The following CACNB2 variants were observed in gnomAD, a reference collection of about 807,000 sequenced individuals.
CACNB2 encodes voltage-dependent L-type calcium channel subunit beta-2.
In CACNB2, 42 loss-of-function variants were observed where a neutral mutation model predicts 73.3. The observed-to-expected ratio is 0.57, with a 90% CI of 0.45 to 0.74. CACNB2 has a LOEUF of 0.74. CACNB2 is among the 30% of genes least tolerant of loss of function. The probability of loss-of-function intolerance (pLI) is 0.00; values close to 1 mark genes in which losing one functional copy is unlikely to be tolerated. For missense variants in CACNB2, 940 were observed against 853.0 expected (o/e 1.10, Z -1.27); for synonymous variants, 348 against 310.3 (o/e 1.12, Z -1.28).
intron 2 of CACNB2, among the ~76,000 whole-genome samples, chr10:18,357,622 C>T (rs2041975920): frequency 6.6e-6 from 1 of 152,178 alleles, no homozygotes; most frequent in African/African-American, 2.4e-5. Flanking sequence ...GTATATTTTA[C>T]AACTATGCGA....
At chr10:18,214,647 AAAAAAAAAT>A in intron 2 of CACNB2, among the ~76,000 whole-genome samples, 1 of 19,670 alleles carries the variant, frequency 5.1e-5, no homozygotes, top group African/African-American at 7.1e-5. Context: ...AAAAAAAAAA[AAAAAAAAAT>A]TAACAACTGT....
At chr10:18,254,438 T>C (rs1053522685) in intron 2 of CACNB2, among the ~76,000 whole-genome samples, 2 of 152,184 alleles carry the variant, frequency 1.3e-5, no homozygotes, top group Non-Finnish European at 2.9e-5. Flanking sequence ...TCATTGCTTT[T>C]AGTTATCTTA....
intron 2 of CACNB2, among the ~76,000 whole-genome samples, chr10:18,155,905 A>G (rs1242831251): frequency 9.6e-6 from 1 of 104,552 alleles, no homozygotes; most frequent in Non-Finnish European, 2.1e-5. Flanking sequence ...TATTATATAT[A>G]TATATATATA....
chr10:18,501,876 A>G (rs2050210083), intron 5 of CACNB2, among the ~76,000 whole-genome samples: 1 of 152,224 alleles, frequency 6.6e-6, no homozygotes, highest in South Asian at 2.1e-4. Context: ...ATAATTGTCA[A>G]GTTCATTTAG....
At chr10:18,189,138 G>GT (rs1259750341) in intron 2 of CACNB2, among the ~76,000 whole-genome samples, 1 of 151,814 alleles carries the variant, frequency 6.6e-6, no homozygotes, top group Admixed American at 6.6e-5. Context: ...CAGATTGTTT[G>GT]TTTTTTTAAA....
intron 2 of CACNB2, among the ~76,000 whole-genome samples, chr10:18,283,647 C>T (rs1163473919): frequency 7.8e-6 from 1 of 128,966 alleles, no homozygotes; most frequent in African/African-American, 3.0e-5. Flanking sequence ...GGGGTGGGAA[C>T]GTCACACACT....
Position 18,486,691 on chromosome 10 carries a change from C to G in CACNB2, c.334-11664C>G, listed in dbSNP as rs577460780. ...CTGTCTCTAGGCAGAAAAGAGCATA[C>G]GGCAGTGAGATGAGGGACTTCAAGG... is the stretch of plus-strand genomic sequence containing the variant. On this transcript the variant is annotated intron_variant, in intron 3 of 13. Coordinates refer to ENST00000324631, the MANE Select transcript of CACNB2 (RefSeq NM_201596.3). Among the ~76,000 whole-genome samples, 5 of 152,152 alleles carry G rather than the reference C, an allele frequency of 3.3e-5. No homozygotes were observed. In the South Asian group the frequency reaches 1.0e-3, roughly 32 times the overall value.
At chr10:18,403,531 A>G (rs1428399696) in intron 3 of CACNB2, among the ~76,000 whole-genome samples, 2 of 152,234 alleles carry the variant, frequency 1.3e-5, no homozygotes, top group Non-Finnish European at 2.9e-5. Context: ...ATATGCCATC[A>G]TGATACAGCC....
intron 2 of CACNB2, among the ~76,000 whole-genome samples, chr10:18,254,947 A>G (rs966534809): frequency 6.6e-6 from 1 of 152,234 alleles, no homozygotes; most frequent in Non-Finnish European, 1.5e-5. Context: ...GAATTCCCCA[A>G]TATCTAATAG....
chr10:18,476,461 A>T lies in CACNB2; in HGVS notation c.334-21894A>T, dbSNP rs571984402. ...TTTGTGGGGTTTACGTACCCTCTAG[A>T]GGTTTCCTGTGTTTGCTTGGTATAC... On this transcript the variant is annotated intron_variant, in intron 3 of 13. Transcript: ENST00000324631. Among the ~76,000 whole-genome samples, 9 of 152,236 alleles carry T rather than the reference A, an allele frequency of 5.9e-5. 1 individual carries two copies. The East Asian group carries it at 1.7e-3, about 29-fold the overall frequency.
At chr10:18,411,540 G>T (rs1259006774) in intron 3 of CACNB2, among the ~76,000 whole-genome samples, 3 of 130,030 alleles carry the variant, frequency 2.3e-5, no homozygotes, top group African/African-American at 8.7e-5. Context: ...ATGGAACCTC[G>T]CTCTGTTGCC....
chr10:18,480,136 G>C (rs1260759620), intron 3 of CACNB2, among the ~76,000 whole-genome samples: 1 of 152,172 alleles, frequency 6.6e-6, no homozygotes, highest in Non-Finnish European at 1.5e-5. Context: ...TTTCAAATGA[G>C]AGAAACAATC....
intron 2 of CACNB2, among the ~76,000 whole-genome samples, chr10:18,371,011 A>C (rs1008475795): frequency 6.6e-6 from 1 of 152,150 alleles, no homozygotes; most frequent in African/African-American, 2.4e-5. Context: ...CTGAGTATTT[A>C]CTTTTAAAAG....
At chr10:18,264,718 G>A (rs2037711532) in intron 2 of CACNB2, among the ~76,000 whole-genome samples, 1 of 152,226 alleles carries the variant, frequency 6.6e-6, no homozygotes, top group Admixed American at 6.5e-5. Flanking sequence ...CGTGCTCACG[G>A]TTGTACAGTA....
At chr10:18,520,360 A>G (rs930722373) in intron 9 of CACNB2, among the ~76,000 whole-genome samples, 11 of 152,190 alleles carry the variant, frequency 7.2e-5, no homozygotes, top group African/African-American at 2.2e-4. Context: ...TGTTGTCTTT[A>G]TCTTCAAAAT....
At chr10:18,168,436 A>T (rs1442771318) in intron 2 of CACNB2, among the ~76,000 whole-genome samples, 1 of 152,106 alleles carries the variant, frequency 6.6e-6, no homozygotes, top group African/African-American at 2.4e-5. Flanking sequence ...AAGAGCCTTC[A>T]TTCTGCAAAA....
At chr10:18,152,736 A>C (rs868659075) in intron 2 of CACNB2, among the ~76,000 whole-genome samples, 1 of 119,870 alleles carries the variant, frequency 8.3e-6, no homozygotes, top group African/African-American at 3.6e-5. Context: ...AAAAAAACAA[A>C]AAACAAAACA....
At position 18,395,812 on chromosome 10, in the gene CACNB2, C is replaced by T. The variant is rs187337343; in HGVS notation, c.214-6112C>T. Among the ~76,000 whole-genome samples the T allele has an allele frequency of 3.3e-5, 5 of 152,284 alleles. No homozygotes were observed. The East Asian group carries it at 9.7e-4, about 29-fold the overall frequency. The stretch of plus-strand genomic sequence containing the variant: ...ATAGGTCAATCACATTTGAGATTTT[C>T]ATCATCGTATGAATTTGAATAATAA... On this transcript the variant is annotated intron_variant, in intron 2 of 13. Transcript: ENST00000324631.
chr10:18,458,464 A>G (rs2047395287), intron 3 of CACNB2, among the ~76,000 whole-genome samples: 2 of 152,218 alleles, frequency 1.3e-5, no homozygotes, highest in Admixed American at 1.3e-4. Flanking sequence ...AGTACATACT[A>G]GTACTCAACA....
Sources: gnomAD v4.1 joint callset for allele counts (sites outside exome capture counted in the v4.1 genomes callset) on GRCh38, gnomAD v4.1.1 for gene constraint, MANE v1.5 for transcripts, NCBI Gene and HGNC (gene_info 2026-07-23, HGNC 2026-07-21) for gene names.